The following NALF1 variants were observed in gnomAD, a reference collection of about 807,000 sequenced individuals.
NALF1 encodes the protein family with sequence similarity 155 member A.
A neutral mutation model predicts 48.4 loss-of-function variants in NALF1; 3 were observed. That is an observed-to-expected ratio of 0.06 (90% CI 0.03 to 0.16). The LOEUF (loss-of-function observed/expected upper bound fraction) is 0.16, where lower values mean the gene tolerates loss of function less well. Ranked by LOEUF, NALF1 falls within the 10% of genes least tolerant of loss-of-function variation. NALF1 has a pLI of 1.00. For missense variants in NALF1, 526 were observed against 571.5 expected (o/e 0.92, Z 0.81); for synonymous variants, 262 against 245.7 (o/e 1.07, Z -0.62).
rs978219861 is a variant in NALF1 at position 107,183,936 on chromosome 13, G to T, written c.1088-13150C>A. On this transcript the variant is annotated intron_variant, in intron 2 of 2. Coordinates refer to ENST00000375915, the MANE Select transcript of NALF1 (RefSeq NM_001080396.3). ...AATTTTTCCAACTTTACCACTGTCT[G>T]GTTTCAACACCACTTGCATATTTTC... Among the ~76,000 whole-genome samples, 8 of 151,428 alleles carry T rather than the reference G, an allele frequency of 5.3e-5. 1 individual carries two copies.
At chr13:107,827,817 G>C (rs537470549) in intron 1 of NALF1, among the ~76,000 whole-genome samples, 1 of 152,208 alleles carries the variant, frequency 6.6e-6, no homozygotes, top group South Asian at 2.1e-4. Context: ...TTGAAAAACA[G>C]TGGTATTATA....
chr13:107,496,073 T>C (rs1310387973), intron 1 of NALF1, among the ~76,000 whole-genome samples: 1 of 152,136 alleles, frequency 6.6e-6, no homozygotes, highest in Non-Finnish European at 1.5e-5. Context: ...TAATATATAT[T>C]ACCAGAAATG....
chr13:107,598,583 C>G (rs1289916473), intron 1 of NALF1, among the ~76,000 whole-genome samples: 2 of 152,248 alleles, frequency 1.3e-5, no homozygotes, highest in East Asian at 3.9e-4. Flanking sequence ...CAGAATGTGC[C>G]TTTCTCAGAC....
At chr13:107,395,066 A>G (rs1883689571) in intron 1 of NALF1, among the ~76,000 whole-genome samples, 1 of 152,162 alleles carries the variant, frequency 6.6e-6, no homozygotes, top group Non-Finnish European at 1.5e-5. Context: ...TCCCCTTGCT[A>G]AAGAAATTAA....
At chr13:107,219,220 C>T (rs1879941253) in intron 1 of NALF1, among the ~76,000 whole-genome samples, 1 of 151,836 alleles carries the variant, frequency 6.6e-6, no homozygotes, top group Non-Finnish European at 1.5e-5. Flanking sequence ...AATGAAAGCA[C>T]CTTTTGTGGA....
chr13:107,636,713 G>A (rs1462664827), intron 1 of NALF1, among the ~76,000 whole-genome samples: 1 of 151,642 alleles, frequency 6.6e-6, no homozygotes, highest in African/African-American at 2.4e-5. Flanking sequence ...AATATACTTG[G>A]TAGCCTCTAT....
At chr13:107,556,443 C>A (rs577901137) in intron 1 of NALF1, among the ~76,000 whole-genome samples, 9 of 151,678 alleles carry the variant, frequency 5.9e-5, no homozygotes, top group African/African-American at 2.2e-4. Context: ...GAACTTGAGG[C>A]CTTGCAGAGC....
At chr13:107,222,185 T>G (rs535556751) in intron 1 of NALF1, among the ~76,000 whole-genome samples, 75 of 152,304 alleles carry the variant, frequency 4.9e-4, no homozygotes, top group African/African-American at 1.7e-3. Context: ...TCACTAGAAG[T>G]AACCGCCGCC....
rs529162085 is a variant in NALF1, at chr13:107,384,253, A to AAAAACAAAAC, written c.916-173508_916-173499dup. ...GGGCGACTGAGTGAGATCCTGTCTC[A>AAAAACAAAAC]AAAACAAAACAAAACAAAACAAAAC... On this transcript the variant is annotated intron_variant, in intron 1 of 2. Transcript: ENST00000375915. Among the ~76,000 whole-genome samples the AAAAACAAAAC allele has an allele frequency of 4.3e-3, 653 of 151,944 alleles. 6 individuals carry two copies. The highest frequency in any genetic ancestry group is 0.015 in the African/African-American group (615 of 41,332).
At chr13:107,730,309 T>G (rs558595381) in intron 1 of NALF1, among the ~76,000 whole-genome samples, 1 of 152,204 alleles carries the variant, frequency 6.6e-6, no homozygotes, top group Non-Finnish European at 1.5e-5. Context: ...TCAGGCTCAA[T>G]CAATACTCTC....
At chr13:107,255,816 G>C (rs952260197) in intron 1 of NALF1, among the ~76,000 whole-genome samples, 4 of 152,062 alleles carry the variant, frequency 2.6e-5, no homozygotes, top group Middle Eastern at 3.2e-3. Flanking sequence ...ACTCAGTTTT[G>C]TCTGTTCTGA....
intron 1 of NALF1, among the ~76,000 whole-genome samples, chr13:107,287,906 C>A (rs978173395): frequency 5.3e-5 from 8 of 151,626 alleles, no homozygotes; most frequent in African/African-American, 1.7e-4. Flanking sequence ...GGGGTTTCAT[C>A]ATCTTGGCCA....
intron 1 of NALF1, among the ~76,000 whole-genome samples, chr13:107,406,077 T>C (rs1162072941): frequency 6.6e-6 from 1 of 152,036 alleles, no homozygotes; most frequent in Admixed American, 6.6e-5. Flanking sequence ...GTCTTCTGAC[T>C]GACAAGGCTA....
intron 1 of NALF1, among the ~76,000 whole-genome samples, chr13:107,721,561 C>G (rs780464319): frequency 6.6e-6 from 1 of 152,160 alleles, no homozygotes; most frequent in Non-Finnish European, 1.5e-5. Context: ...TCTCTCTCTC[C>G]GTGTGGCCTC....
chr13:107,502,776 A>G (rs1179542042), intron 1 of NALF1, among the ~76,000 whole-genome samples: 1 of 152,198 alleles, frequency 6.6e-6, no homozygotes, highest in African/African-American at 2.4e-5. Context: ...TTAACCTCCT[A>G]AAAGCTTTCA....
At chr13:107,477,301 C>T (rs1456515482) in intron 1 of NALF1, among the ~76,000 whole-genome samples, 1 of 152,074 alleles carries the variant, frequency 6.6e-6, no homozygotes, top group Non-Finnish European at 1.5e-5. Flanking sequence ...CCCAAACCAA[C>T]AGATTGCTCA....
chr13:107,555,869 AAATC>A (rs1480528044), intron 1 of NALF1, among the ~76,000 whole-genome samples: 11 of 152,244 alleles, frequency 7.2e-5, no homozygotes, highest in African/African-American at 2.6e-4. Context: ...GGTTATATAA[AAATC>A]AATACCCAGC....
At position 107,445,466 on chromosome 13, in the gene NALF1, T is replaced by C. The variant is rs115806951; in HGVS notation, c.916-234711A>G. On this transcript the variant is annotated intron_variant, in intron 1 of 2. Coordinates refer to ENST00000375915, the MANE Select transcript of NALF1 (RefSeq NM_001080396.3). Reference sequence around the variant, plus strand: ...CACAGTTTGTTTAACCATTCACTCATTGAAGGACATTTGGGTTGTTCCAGT... The same window carrying C: ...CACAGTTTGTTTAACCATTCACTCACTGAAGGACATTTGGGTTGTTCCAGT... Among the ~76,000 whole-genome samples the C allele has an allele frequency of 9.0e-3, 1,378 of 152,312 alleles. 6 individuals carry two copies. Among genetic ancestry groups the C allele is most frequent in the Non-Finnish European group, 0.011 (719 of 68,022 alleles).
intron 1 of NALF1, among the ~76,000 whole-genome samples, chr13:107,388,451 G>A (rs1426701849): frequency 6.6e-6 from 1 of 152,154 alleles, no homozygotes; most frequent in Non-Finnish European, 1.5e-5. Flanking sequence ...TTATTCATAT[G>A]TTTGTCCCAA....
Sources: gnomAD v4.1 joint callset for allele counts (sites outside exome capture counted in the v4.1 genomes callset) on GRCh38, gnomAD v4.1.1 for gene constraint, MANE v1.5 for transcripts, NCBI Gene and HGNC (gene_info 2026-07-23, HGNC 2026-07-21) for gene names.